The following GNAT3 variants were observed in gnomAD, a reference collection of about 807,000 sequenced individuals.
The protein encoded by GNAT3 is G protein subunit alpha transducin 3.
GNAT3 carries 31 observed loss-of-function variants against 37.7 expected under a neutral mutation model. That is an observed-to-expected ratio of 0.82 (90% CI 0.62 to 1.11). The LOEUF (loss-of-function observed/expected upper bound fraction) is 1.11, where lower values mean the gene tolerates loss of function less well. Among genes scored for constraint, GNAT3 ranks in the 50% most tolerant of loss-of-function variants. GNAT3 has a pLI of 0.00. For synonymous variants in GNAT3, 138 were observed against 139.8 expected (o/e 0.99, Z 0.09); for missense variants, 437 against 412.5 (o/e 1.06, Z -0.51).
chr7:80,497,553 T>C (rs544806132), intron 1 of GNAT3, among the ~76,000 whole-genome samples: 1 of 141,328 alleles, frequency 7.1e-6, no homozygotes, highest in South Asian at 2.2e-4. Flanking sequence ...CACATATACG[T>C]ATATACATAT....
chr7:80,502,479 G>C (rs1037589378), intron 1 of GNAT3, among the ~76,000 whole-genome samples: 5 of 151,948 alleles, frequency 3.3e-5, no homozygotes. Context: ...TTAATTGTGG[G>C]AATAGTCATG....
chr7:80,461,228 TA>T (rs979687736), intron 7 of GNAT3, among the ~76,000 whole-genome samples: 2 of 152,066 alleles, frequency 1.3e-5, no homozygotes, highest in African/African-American at 2.4e-5. Flanking sequence ...ACCTAAGTGG[TA>T]AAACTGGATT....
At chr7:80,483,168 A>C (rs1478533734) in intron 3 of GNAT3, among the ~76,000 whole-genome samples, 2 of 152,098 alleles carry the variant, frequency 1.3e-5, no homozygotes, top group Non-Finnish European at 2.9e-5. Flanking sequence ...AGGCCCTGCA[A>C]AGGTAGTTTT....
chr7:80,476,562 T>C (rs1383923602), intron 4 of GNAT3, among the ~76,000 whole-genome samples: 1 of 151,308 alleles, frequency 6.6e-6, no homozygotes, highest in Non-Finnish European at 1.5e-5. Flanking sequence ...GGCATTCCTT[T>C]CCCTTATTCT....
chr7:80,486,694 G>A (rs1476210141), intron 3 of GNAT3: 1 of 137,742 alleles, frequency 7.3e-6, no homozygotes, highest in African/African-American at 2.8e-5. Flanking sequence ...AGACTGGTCT[G>A]GAACTCCCGG....
intron 1 of GNAT3, among the ~76,000 whole-genome samples, chr7:80,497,586 A>ATATACGTATATG (rs1562732787): frequency 2.5e-5 from 3 of 118,644 alleles, no homozygotes; most frequent in South Asian, 2.6e-4. Flanking sequence ...ATACGTATAT[A>ATATACGTATATG]CATATACGTA....
chr7:80,479,058 C>T, intron 3 of GNAT3, 60 bp from the exon 4 acceptor site: 1 of 1,129,130 alleles, frequency 8.9e-7, no homozygotes, highest in East Asian at 2.5e-5. Context: ...ATTCTATTTT[C>T]TAATAGAGTA....
At chr7:80,465,833 T>C (rs1790120866) in intron 5 of GNAT3, among the ~76,000 whole-genome samples, 1 of 152,128 alleles carries the variant, frequency 6.6e-6, no homozygotes, top group African/African-American at 2.4e-5. Flanking sequence ...ATTTCAGATG[T>C]AGTACATATA....
At chr7:80,502,781 G>T (rs1471503517) in intron 1 of GNAT3, among the ~76,000 whole-genome samples, 7 of 150,820 alleles carry the variant, frequency 4.6e-5, no homozygotes, top group Non-Finnish European at 1.0e-4. Flanking sequence ...TATTTATCCT[G>T]CATTTCACAT....
intron 3 of GNAT3, among the ~76,000 whole-genome samples, chr7:80,479,215 TATGTG>T (rs72263636): frequency 0.031 from 4,741 of 152,164 alleles, 177 homozygotes; most frequent in African/African-American, 0.094. Flanking sequence ...TATAAAATAT[TATGTG>T]AAGAAATTAG....
chr7:80,464,389 GA>G (rs1790100185), intron 5 of GNAT3, among the ~76,000 whole-genome samples: 1 of 152,092 alleles, frequency 6.6e-6, no homozygotes, highest in Non-Finnish European at 1.5e-5. Context: ...GAAACAGCAA[GA>G]GCAAAGTACT....
At chr7:80,486,810 T>G (rs1446523659) in intron 3 of GNAT3, among the ~76,000 whole-genome samples, 1 of 151,922 alleles carries the variant, frequency 6.6e-6, no homozygotes, top group African/African-American at 2.4e-5. Context: ...GCGTCACTGT[T>G]TCACAAACTC....
intron 1 of GNAT3, among the ~76,000 whole-genome samples, chr7:80,497,304 C>G (rs920913497): frequency 2.0e-5 from 3 of 152,050 alleles, no homozygotes; most frequent in African/African-American, 7.2e-5. Flanking sequence ...AGAGTGGCAA[C>G]TCATTCAAAA....
At chr7:80,462,345 T>A in intron 6 of GNAT3, 33 bp from the exon 7 acceptor site, 1 of 1,600,282 alleles carries the variant, frequency 6.2e-7, no homozygotes, top group Non-Finnish European at 8.5e-7. Context: ...ATGGGTAGGA[T>A]TATTATTTGC....
At chr7:80,483,815 T>G (rs1343466894) in intron 3 of GNAT3, among the ~76,000 whole-genome samples, 3 of 152,134 alleles carry the variant, frequency 2.0e-5, no homozygotes, top group African/African-American at 7.2e-5. Context: ...CTAATCATCC[T>G]TTCTGCCACA....
intron 6 of GNAT3, 82 bp downstream of exon 6, chr7:80,462,420 C>T: frequency 2.2e-5 from 34 of 1,561,232 alleles, no homozygotes; most frequent in South Asian, 7.9e-5. Context: ...GGCAAACCTT[C>T]ATGAGTTGGG....
intron 2 of GNAT3, among the ~76,000 whole-genome samples, chr7:80,490,124 A>G (rs1790564663): frequency 1.3e-5 from 2 of 152,150 alleles, no homozygotes; most frequent in South Asian, 2.1e-4. Context: ...TTTCTGTGAC[A>G]TACTGTGTTA....
At chr7:80,476,093 A>T (rs948048036) in intron 4 of GNAT3, among the ~76,000 whole-genome samples, 1 of 152,040 alleles carries the variant, frequency 6.6e-6, no homozygotes, top group Non-Finnish European at 1.5e-5. Context: ...GAAAACAAAA[A>T]AAACCCAAAA....
Position 80,511,881 on chromosome 7 carries a change from A to G in GNAT3, c.46T>C (p.Ser16Pro), listed in dbSNP as rs375872413. 6.2e-7 allele frequency: 1 copy of G among 1,612,240 alleles called. No individual in the cohort carries two copies. Among genetic ancestry groups the G allele is most frequent in the Non-Finnish European group, 8.5e-7 (1 of 1,178,988 alleles). Residue 16 changes from serine (S) to proline (P), a missense_variant, in exon 1 of 8, where the codon TCA becomes CCA. Coordinates refer to ENST00000398291, the MANE Select transcript of GNAT3 (RefSeq NM_001102386.3). ...TGAAGCTTTTTCTCCAGTTCTTTTG[A>G]TCTTTTGGCTGACTCCTTGCTCTCT... ...SSESKESAKR[S>P]KELEKKLQED...
Sources: gnomAD v4.1 joint callset for allele counts (sites outside exome capture counted in the v4.1 genomes callset) on GRCh38, gnomAD v4.1.1 for gene constraint, MANE v1.5 for transcripts, NCBI Gene and HGNC (gene_info 2026-07-23, HGNC 2026-07-21) for gene names.